FOXN4: variants seen among roughly 807,000 people sequenced by gnomAD.
FOXN4 encodes forkhead box N4.
In FOXN4, 12 loss-of-function variants were observed where a neutral mutation model predicts 45.0. The ratio of observed to expected loss-of-function variants is 0.27; its 90% CI spans 0.17 to 0.43. FOXN4 has a LOEUF of 0.43. Among genes scored for constraint, FOXN4 ranks in the 20% least tolerant of loss-of-function variants. FOXN4 has a pLI of 1.00. For missense variants in FOXN4, 560 were observed against 694.9 expected, an observed-to-expected ratio of 0.81 and a Z score of 2.18; for synonymous variants, 297 against 295.0, an observed-to-expected ratio of 1.01 and a Z score of -0.07.
At chr12:109,300,433 A>G (rs774711809) in intron 2 of FOXN4, among the ~76,000 whole-genome samples, 1 of 152,126 alleles carries the variant, frequency 6.6e-6, no homozygotes, top group Non-Finnish European at 1.5e-5. Context: ...TCCTCATTTC[A>G]CAGATGGGAT....
intron 2 of FOXN4, among the ~76,000 whole-genome samples, chr12:109,306,330 C>T (rs2047921641): frequency 6.6e-6 from 1 of 152,206 alleles, no homozygotes; most frequent in Non-Finnish European, 1.5e-5. Flanking sequence ...AAAAGCAAGT[C>T]ACCGGCCCTG....
chr12:109,281,280 G>A, intron 9 of FOXN4, 127 bp downstream of exon 9: 1 of 1,328,714 alleles, frequency 7.5e-7, no homozygotes, highest in South Asian at 1.4e-5. Context: ...AACTTGTAAA[G>A]GTTGTTGCTA....
intron 2 of FOXN4, among the ~76,000 whole-genome samples, chr12:109,294,903 C>T (rs1410488268): frequency 6.6e-6 from 1 of 152,100 alleles, no homozygotes; most frequent in Non-Finnish European, 1.5e-5. Context: ...CCCCATGTGC[C>T]CTCGCCTCTC....
rs2047763966 is a variant in FOXN4, at chr12:109,291,164, G to A, written c.87-878C>T. On this transcript the variant is annotated intron_variant, in intron 2 of 9. Transcript: ENST00000299162. The surrounding 1 kb of genome is among the most constrained non-coding windows in gnomAD (Gnocchi z 6.6). ...CATGGGCAAAACATCGGTTGTAGTG[G>A]ATGTAGGATAGCTGCCCATGGAGGT... 6.6e-6 allele frequency among the ~76,000 whole-genome samples: 1 copy of A among 152,120 alleles called. No individual in the cohort carries two copies. Among genetic ancestry groups the A allele is most frequent in the Non-Finnish European group, 1.5e-5 (1 of 68,008 alleles).
intron 2 of FOXN4, among the ~76,000 whole-genome samples, chr12:109,299,715 T>C (rs2047852514): frequency 6.6e-6 from 1 of 152,196 alleles, no homozygotes; most frequent in Admixed American, 6.5e-5. Flanking sequence ...GGGCAAGGAT[T>C]GAGGTGGCAC....
rs548034908 is a variant in FOXN4, at chr12:109,291,588, G to C, written c.87-1302C>G. Among the ~76,000 whole-genome samples, 7 of 151,600 alleles carry C rather than the reference G, an allele frequency of 4.6e-5. No individual in the cohort carries two copies. The highest frequency in any genetic ancestry group is 1.7e-4 in the African/African-American group (7 of 41,350). On this transcript the variant is annotated intron_variant, in intron 2 of 9. Coordinates refer to ENST00000299162, the MANE Select transcript of FOXN4 (RefSeq NM_213596.3). This position sits in a 1 kb window ranked among gnomAD's most constrained non-coding sequence, Gnocchi z 6.6. ...GTTCTCCCTCTCCCTCCTCCTCCCT[G>C]TCTCTCTCTCTGCTCCTCCCCATCT... is the stretch of plus-strand genomic sequence containing the variant.
In FOXN4 at chr12:109,287,369, C is replaced by T; in HGVS notation, c.596+28G>A. 6.4e-7 allele frequency: 1 copy of T among 1,551,088 alleles called. No homozygotes were observed. The highest frequency in any genetic ancestry group is 2.4e-5 in the East Asian group (1 of 40,906). On this transcript the variant is annotated intron_variant, in intron 6 of 9. Coordinates refer to ENST00000299162, the MANE Select transcript of FOXN4 (RefSeq NM_213596.3). The surrounding 1 kb of genome is among the most constrained non-coding windows in gnomAD (Gnocchi z 4.1). ...CCCTCTCTCCCGGAGCCGCCCTTGG[C>T]CCTGACCCGGCCCACCCTGGACCTC...
chr12:109,303,789 G>A (rs1412969671), intron 2 of FOXN4, among the ~76,000 whole-genome samples: 1 of 152,202 alleles, frequency 6.6e-6, no homozygotes, highest in African/African-American at 2.4e-5. Context: ...GGTAGGGGCA[G>A]GTGATTAATA....
chr12:109,280,056 C>A (rs1158199002), intron 9 of FOXN4, 126 bp from the exon 10 acceptor site: 22 of 1,368,414 alleles, frequency 1.6e-5, no homozygotes, highest in Non-Finnish European at 2.1e-5. Flanking sequence ...AGAAAAAGGG[C>A]ATGGGGCCGG....
At chr12:109,297,880 T>C (rs1207807454) in intron 2 of FOXN4, among the ~76,000 whole-genome samples, 4 of 152,246 alleles carry the variant, frequency 2.6e-5, no homozygotes. Context: ...ACAGATTTGG[T>C]TCCTTGGCCC....
chr12:109,302,776 G>A (rs1033747339), intron 2 of FOXN4, among the ~76,000 whole-genome samples: 11 of 152,126 alleles, frequency 7.2e-5, no homozygotes, highest in African/African-American at 7.2e-5. Context: ...GACATGTCCC[G>A]CCCTACCTGC....
chr12:109,306,728 T>A (rs2047924867), intron 2 of FOXN4, among the ~76,000 whole-genome samples: 1 of 152,230 alleles, frequency 6.6e-6, no homozygotes. Context: ...AACAACTCCA[T>A]GCAGTGGGTA....
intron 2 of FOXN4, among the ~76,000 whole-genome samples, chr12:109,307,120 G>A (rs552159964): frequency 1.5e-4 from 23 of 152,334 alleles, no homozygotes; most frequent in Middle Eastern, 3.4e-3. Context: ...CTGTGTCCTC[G>A]TTTGGATCTC....
At chr12:109,304,759 G>A (rs994495269) in intron 2 of FOXN4, among the ~76,000 whole-genome samples, 1 of 152,214 alleles carries the variant, frequency 6.6e-6, no homozygotes, top group Non-Finnish European at 1.5e-5. Context: ...AGTGGTCCTT[G>A]GAGTCCTTCT....
chr12:109,293,890 C>T (rs946502023), intron 2 of FOXN4, among the ~76,000 whole-genome samples: 7 of 152,210 alleles, frequency 4.6e-5, no homozygotes, highest in African/African-American at 1.7e-4. Flanking sequence ...TCCACCTCCT[C>T]AGGTCCTTGC....
At position 109,281,724 on chromosome 12, in the gene FOXN4, G is replaced by A; in HGVS notation, c.977C>T (p.Pro326Leu). The change falls in exon 9 of 10, where the codon CCC becomes CTC. Residue 326 changes from proline (P) to leucine (L), a missense_variant. By Grantham distance (98) the Pro-to-Leu change is moderately conservative. Coordinates refer to ENST00000299162, the MANE Select transcript of FOXN4 (RefSeq NM_213596.3). ...RPGKPGEPEA[P>L]VLTHATTVAV... Reference sequence around the variant, plus strand: ...CACTGTGGTGGCGTGAGTCAGCACGGGGGCCTCTGGTTCCCCCGGTTTGCC... The same window carrying A: ...CACTGTGGTGGCGTGAGTCAGCACGAGGGCCTCTGGTTCCCCCGGTTTGCC... 1 of 1,609,930 alleles carries A rather than the reference G, an allele frequency of 6.2e-7. No homozygotes were observed. The highest frequency in any genetic ancestry group is 8.5e-7 in the Non-Finnish European group (1 of 1,178,496).
Position 109,281,549 on chromosome 12 carries a change from C to T in FOXN4, c.1152G>A (p.Leu384=). The stretch of plus-strand genomic sequence containing the variant: ...TGGGGCTGAGGTCCGGCAGGGCGTG[C>T]AGTGGCGGGGTCTGGGCTGGTGCTG... The part of the protein sequence containing the change: ...DSPAPAQTPP[L]HALPDLSPSP... Residue 384 remains leucine (L), a synonymous_variant, in exon 9 of 10, where the codon CTG becomes CTA. Coordinates refer to ENST00000299162, the MANE Select transcript of FOXN4 (RefSeq NM_213596.3). The T allele has an allele frequency of 1.2e-6, 2 of 1,612,284 alleles. No individual in the cohort carries two copies. Among genetic ancestry groups the T allele is most frequent in the Non-Finnish European group, 1.7e-6 (2 of 1,179,162 alleles).
intron 2 of FOXN4, among the ~76,000 whole-genome samples, chr12:109,302,599 T>C (rs2047877590): frequency 6.6e-6 from 1 of 152,196 alleles, no homozygotes; most frequent in Admixed American, 6.5e-5. Flanking sequence ...GATGTGAGGA[T>C]AAGATCAGGT....
chr12:109,293,426 T>A (rs966133146), intron 2 of FOXN4, among the ~76,000 whole-genome samples: 2 of 152,206 alleles, frequency 1.3e-5, no homozygotes, highest in African/African-American at 2.4e-5. Context: ...CTCTGCCCCA[T>A]CACTCTGCCT....
Sources: gnomAD v4.1 joint callset for allele counts (sites outside exome capture counted in the v4.1 genomes callset) on GRCh38, gnomAD v4.1.1 for gene constraint, Gnocchi (gnomAD v3.1) non-coding constraint, MANE v1.5 for transcripts, NCBI Gene and HGNC (gene_info 2026-07-23, HGNC 2026-07-21) for gene names.